The following TSLP variants were observed in gnomAD, a reference collection of about 807,000 sequenced individuals.
TSLP encodes thymic stromal lymphopoietin, also known as thymic stroma-derived lymphopoietin.
Under a neutral mutation model 12.4 loss-of-function variants are expected in TSLP, and 12 were observed. That is an observed-to-expected ratio of 0.97 (90% CI 0.62 to 1.57). The LOEUF (loss-of-function observed/expected upper bound fraction) is 1.57, where lower values mean the gene tolerates loss of function less well. TSLP is among the 40% of genes most tolerant of loss of function. The pLI is 0.00. For missense variants in TSLP, 222 were observed against 189.6 expected, an observed-to-expected ratio of 1.17 and a Z score of -1.00; for synonymous variants, 97 against 69.5, an observed-to-expected ratio of 1.40 and a Z score of -1.97.
chr5:111,076,178 A>T lies in TSLP; in HGVS notation c.*104A>T, dbSNP rs1752502041. 7.6e-7 allele frequency: 1 copy of T among 1,321,976 alleles called. No homozygotes were observed. Among genetic ancestry groups the T allele is most frequent in the Non-Finnish European group, 1.1e-6 (1 of 942,736 alleles). The allele number at this position is 1,321,976 out of a possible 1,614,324, so 81.9% of individuals were successfully genotyped here. On this transcript the variant is annotated 3_prime_UTR_variant, in exon 4 of 4. Transcript: ENST00000344895. ...GTGACAAAGAAGACCACAAATAGTT[A>T]TCTTTTAATTACAGAAGAGTTTCTT...
At position 111,077,335 on chromosome 5, in the gene TSLP, A is replaced by G. The variant is rs992499495; in HGVS notation, c.*1261A>G. ...CTTGCCAACAGGTAAGAGGAAGCTT[A>G]CATTACATGTCCAGTCCACATTTAA... is the stretch of plus-strand genomic sequence containing the variant. On this transcript the variant is annotated 3_prime_UTR_variant, in exon 4 of 4. Coordinates refer to ENST00000344895, the MANE Select transcript of TSLP (RefSeq NM_033035.5). 1 of 152,246 alleles carries G rather than the reference A, an allele frequency of 6.6e-6. No homozygotes were observed. The highest frequency in any genetic ancestry group is 6.5e-5 in the Admixed American group (1 of 15,292). The allele number at this position is 152,246 out of a possible 1,614,324, so 9.4% of individuals were successfully genotyped here.
rs777373701 is a variant in TSLP at position 111,073,630 on chromosome 5, C to T, written c.336C>T (p.Gly112=). ...TKAALAIWCP[G]YSETQINATQ... Reference sequence around the variant, plus strand: ...CTGCCTTAGCTATCTGGTGCCCAGGCTATTCGGAAACTCAGGTAAGCCCGA... The same window carrying T: ...CTGCCTTAGCTATCTGGTGCCCAGGTTATTCGGAAACTCAGGTAAGCCCGA... Residue 112 remains glycine, a synonymous_variant, in exon 3 of 4, where the codon GGC becomes GGT. Coordinates refer to ENST00000344895, the MANE Select transcript of TSLP (RefSeq NM_033035.5). 2.0e-5 allele frequency: 32 copies of T among 1,614,208 alleles called. No individual in the cohort carries two copies. The highest frequency in any genetic ancestry group is 2.6e-5 in the Non-Finnish European group (31 of 1,180,034).
rs1752413308 is a variant in TSLP, at chr5:111,073,792, G to T, written c.351+147G>T. The T allele has an allele frequency of 3.4e-6, 3 of 882,088 alleles. No individual in the cohort carries two copies. The South Asian group carries it at 5.3e-5, about 16-fold the overall frequency. 54.6% of individuals were successfully genotyped at this position (882,088 alleles called of 1,614,324 possible). On this transcript the variant is annotated intron_variant, in intron 3 of 3. Transcript: ENST00000344895. ...GCCGGGTAAAAGTGGTAGGATGTCA[G>T]TTAGACCCACGTTGATACCCGGAAT...
chr5:111,073,050 C>T (rs1752385084), intron 2 of TSLP, 118 bp downstream of exon 2: 1 of 1,266,788 alleles, frequency 7.9e-7, no homozygotes, highest in Non-Finnish European at 1.1e-6. Flanking sequence ...GACGCCGCCG[C>T]CGGGGGAAAG....
intron 3 of TSLP, 37 bp from the exon 4 acceptor site, chr5:111,075,908 GA>G (rs750095133): frequency 2.5e-6 from 4 of 1,601,684 alleles, no homozygotes; most frequent in Admixed American, 1.8e-5. Context: ...TAAAGATAGT[GA>G]AAAGTAATTT....
rs1561692858 is a variant in TSLP, at chr5:111,076,759, CTA to C, written c.*691_*692del. On this transcript the variant is annotated 3_prime_UTR_variant, in exon 4 of 4. Coordinates refer to ENST00000344895, the MANE Select transcript of TSLP (RefSeq NM_033035.5). ...TGTACATGTTCCTTTGTAATTGACACTATATATTTCTTAATAAAATAATTCTC... is the reference window on the plus strand; with the variant it reads ...TGTACATGTTCCTTTGTAATTGACACTATATTTCTTAATAAAATAATTCTC... 1 of 152,138 alleles carries C rather than the reference CTA, an allele frequency of 6.6e-6. No individual in the cohort carries two copies. Among genetic ancestry groups the C allele is most frequent in the Non-Finnish European group, 1.5e-5 (1 of 68,010 alleles). The allele number at this position is 152,138 out of a possible 1,614,324, so 9.4% of individuals were successfully genotyped here.
intron 2 of TSLP, chr5:111,073,263 T>C: frequency 1.4e-6 from 2 of 1,411,056 alleles, no homozygotes; most frequent in African/African-American, 1.4e-5. Flanking sequence ...CCTGGAGACT[T>C]GGGAGGAGCG....
intron 3 of TSLP, 65 bp downstream of exon 3, chr5:111,073,710 G>C (rs140872604): frequency 2.0e-6 from 3 of 1,508,890 alleles, no homozygotes; most frequent in Non-Finnish European, 2.7e-6. Context: ...CTGGGGCTTT[G>C]GTGCAGAAGT....
intron 2 of TSLP, chr5:111,073,271 G>C (rs981186010): frequency 7.6e-5 from 107 of 1,413,878 alleles, no homozygotes; most frequent in Admixed American, 3.4e-4. Flanking sequence ...CTTGGGAGGA[G>C]CGAGCGTGGG....
chr5:111,071,476 T>C, upstream of TSLP: 1 of 1,545,450 alleles, frequency 6.5e-7, no homozygotes, highest in Non-Finnish European at 8.7e-7. Context: ...TAAAGGACAT[T>C]CACACTTATG....
At chr5:111,071,336 G>A, upstream of TSLP, 1 of 1,018,294 alleles carries the variant, frequency 9.8e-7, no homozygotes, top group Non-Finnish European at 1.4e-6. Context: ...AAGATGTTCA[G>A]AATGCATGGG....
Position 111,072,876 on chromosome 5 carries a change from TC to T in TSLP, c.172-11del. On this transcript the variant is annotated splice_polypyrimidine_tract_variant and intron_variant, in intron 1 of 3. Transcript: ENST00000344895. ...GTCTTTACCCTCTTTGTCCTATTTT[TC>T]TTTCTTCCAGACCAAAAGTACCGAG... is the stretch of plus-strand genomic sequence containing the variant. The T allele has an allele frequency of 6.2e-7, 1 of 1,614,170 alleles. No homozygotes were observed. Among genetic ancestry groups the T allele is most frequent in the African/African-American group, 1.3e-5 (1 of 75,060 alleles).
At chr5:111,075,824 A>G (rs1752488256) in intron 3 of TSLP, 122 bp from the exon 4 acceptor site, 1 of 991,918 alleles carries the variant, frequency 1.0e-6, no homozygotes, top group African/African-American at 1.6e-5. Context: ...GCACATAGTA[A>G]GCAGGTGCTT....
chr5:111,073,423 C>A, intron 2 of TSLP, 88 bp from the exon 3 acceptor site: 1 of 1,584,780 alleles, frequency 6.3e-7, no homozygotes, highest in South Asian at 1.2e-5. Context: ...CCTGACCTTC[C>A]TCCCCTCCCC....
Position 111,072,884 on chromosome 5 carries a change from C to G in TSLP, c.172-4C>G, listed in dbSNP as rs762444997. On this transcript the variant is annotated splice_region_variant and splice_polypyrimidine_tract_variant and intron_variant, in intron 1 of 3. Coordinates refer to ENST00000344895, the MANE Select transcript of TSLP (RefSeq NM_033035.5). ...CCTCTTTGTCCTATTTTTCTTTCTTCCAGACCAAAAGTACCGAGTTCAACA... is the reference window on the plus strand; with the variant it reads ...CCTCTTTGTCCTATTTTTCTTTCTTGCAGACCAAAAGTACCGAGTTCAACA... 8.7e-6 allele frequency: 14 copies of G among 1,614,022 alleles called. No individual in the cohort carries two copies. The highest frequency in any genetic ancestry group is 1.3e-5 in the African/African-American group (1 of 74,914).
At chr5:111,073,106 A>T (rs374175217) in intron 2 of TSLP, among the ~76,000 whole-genome samples, 174 bp downstream of exon 2, 1 of 152,214 alleles carries the variant, frequency 6.6e-6, no homozygotes, top group South Asian at 2.1e-4. Flanking sequence ...GCTTGGGACA[A>T]CACTTCTGTT....
At chr5:111,075,257 T>C (rs930525208) in intron 3 of TSLP, among the ~76,000 whole-genome samples, 1 of 152,144 alleles carries the variant, frequency 6.6e-6, no homozygotes, top group Non-Finnish European at 1.5e-5. Context: ...CCTGTGACTT[T>C]ATTAATTTGC....
At chr5:111,073,311 G>A (rs542350996) in intron 2 of TSLP, 200 bp from the exon 3 acceptor site, 172 of 1,426,482 alleles carry the variant, frequency 1.2e-4, no homozygotes, top group East Asian at 1.3e-4. Context: ...AGTGCCCTCC[G>A]CCACCCTCGC....
At chr5:111,072,128 C>A (rs1005577013) in intron 1 of TSLP, 67 bp downstream of exon 1, 1 of 1,320,950 alleles carries the variant, frequency 7.6e-7, no homozygotes, top group African/African-American at 1.5e-5. Context: ...ACACACTCTA[C>A]AATTTAACTT....
Sources: gnomAD v4.1 joint callset for allele counts (sites outside exome capture counted in the v4.1 genomes callset) on GRCh38, gnomAD v4.1.1 for gene constraint, MANE v1.5 for transcripts, NCBI Gene and HGNC (gene_info 2026-07-23, HGNC 2026-07-21) for gene names.